ALDH18A1: variants seen among roughly 807,000 people sequenced by gnomAD.
ALDH18A1 encodes the protein aldehyde dehydrogenase 18 family member A1, also known as delta-1-pyrroline-5-carboxylate synthase.
A neutral mutation model predicts 88.8 loss-of-function variants in ALDH18A1; 44 were observed. The ratio of observed to expected loss-of-function variants is 0.50; its 90% confidence interval spans 0.39 to 0.64. The LOEUF (loss-of-function observed/expected upper bound fraction) is 0.64, where lower values mean the gene tolerates loss of function less well. Among genes scored for constraint, ALDH18A1 ranks in the 30% least tolerant of loss-of-function variants. The pLI is 0.00. For missense variants in ALDH18A1, 782 were observed against 1,009.5 expected, an observed-to-expected ratio of 0.77 and a Z score of 3.05; for synonymous variants, 331 against 372.1, an observed-to-expected ratio of 0.89 and a Z score of 1.27.
chr10:95,612,999 G>T (rs543335444), intron 15 of ALDH18A1, among the ~76,000 whole-genome samples: 1 of 152,324 alleles, frequency 6.6e-6, no homozygotes, highest in South Asian at 2.1e-4. Flanking sequence ...CATATGTTCA[G>T]AGTCAAAGCA....
At chr10:95,643,711 CTTGAT>C (rs2097896126) in intron 2 of ALDH18A1, among the ~76,000 whole-genome samples, 1 of 152,032 alleles carries the variant, frequency 6.6e-6, no homozygotes, top group African/African-American at 2.4e-5. Flanking sequence ...TATTTTATCT[CTTGAT>C]AGGATTATAA....
intron 11 of ALDH18A1, 24 bp downstream of exon 11, chr10:95,625,338 G>A (rs1488224480): frequency 6.2e-7 from 1 of 1,602,522 alleles, no homozygotes. Flanking sequence ...CCACAACATT[G>A]ACTTTAAATT....
rs575351500 is a variant in ALDH18A1 at position 95,606,353 on chromosome 10, T to C, written c.*409A>G. ...TCTTTCCTTTTTGAAGATGACTACA[T>C]GTGAAAGAAATAAAATGTGAAAAGA... On this transcript the variant is annotated 3_prime_UTR_variant, in exon 18 of 18. Transcript: ENST00000371224. The C allele has an allele frequency of 9.8e-7, 1 of 1,015,320 alleles. No individual in the cohort carries two copies. Among genetic ancestry groups the C allele is most frequent in the Non-Finnish European group, 1.2e-6 (1 of 847,512 alleles). 62.9% of individuals were successfully genotyped at this position (1,015,320 alleles called of 1,614,324 possible). A position where few individuals can be genotyped will look rare whatever the true frequency, so the allele number is the denominator to read the frequency against.
intron 1 of ALDH18A1, among the ~76,000 whole-genome samples, chr10:95,655,681 A>AGAGTGTGTGTGT (rs1366372388): frequency 1.2e-4 from 18 of 150,168 alleles, no homozygotes; most frequent in African/African-American, 4.4e-4. Context: ...GAGCAAAGAG[A>AGAGTGTGTGTGT]GTGTGTGTGT....
chr10:95,613,534 A>T (rs2097839327), intron 15 of ALDH18A1, among the ~76,000 whole-genome samples: 1 of 152,240 alleles, frequency 6.6e-6, no homozygotes, highest in Non-Finnish European at 1.5e-5. Context: ...TCCACTTTGT[A>T]ATAAAGCTAT....
Position 95,611,388 on chromosome 10 carries a change from C to A in ALDH18A1, c.1978G>T (p.Glu660Ter). The A allele has an allele frequency of 6.2e-7, 1 of 1,614,164 alleles. No homozygotes were observed. Among genetic ancestry groups the A allele is most frequent in the Non-Finnish European group, 8.5e-7 (1 of 1,180,024 alleles). The change falls in exon 16 of 18, where the codon GAA becomes TAA. Residue 660 changes from glutamate (E) to a stop codon, truncating the protein, a stop_gained. Transcript: ENST00000371224. LOFTEE classifies it high-confidence loss of function. ...FASYLTFSPS[E>*]VKSLRTEYGD... is the part of the protein sequence containing the mutation. ...TACTCAGTTCGGAGTGACTTCACTT[C>A]GGAGGGGCTGAAGGTCAGATAGGAG...
chr10:95,641,379 G>C (rs2097891055), intron 3 of ALDH18A1, among the ~76,000 whole-genome samples: 1 of 152,170 alleles, frequency 6.6e-6, no homozygotes, highest in African/African-American at 2.4e-5. Context: ...CTAAGGTAGA[G>C]AGGGTAGAGA....
intron 11 of ALDH18A1, among the ~76,000 whole-genome samples, chr10:95,625,042 G>T (rs1282246116): frequency 2.0e-5 from 3 of 152,106 alleles, no homozygotes; most frequent in Non-Finnish European, 2.9e-5. Flanking sequence ...ATAGAGAAAG[G>T]CCTCAATAAA....
In ALDH18A1 at chr10:95,645,222, A is replaced by C. The variant is rs189619722; in HGVS notation, c.89-2016T>G. ...GGTAACATAGGTTCTCAGCAGGACT[A>C]AGCTTTAAGCAATTCCCTGGAAAGA... On this transcript the variant is annotated intron_variant, in intron 2 of 17. Transcript: ENST00000371224. Among the ~76,000 whole-genome samples, 366 of 152,350 alleles carry C rather than the reference A, an allele frequency of 2.4e-3. 1 individual carries two copies. The highest frequency in any genetic ancestry group is 3.8e-3 in the Non-Finnish European group (259 of 68,028).
intron 11 of ALDH18A1, 127 bp downstream of exon 11, chr10:95,625,235 A>T: frequency 1.2e-6 from 1 of 853,650 alleles, no homozygotes; most frequent in Non-Finnish European, 2.0e-6. Context: ...TAGAAATGAT[A>T]CATAATGTAC....
At chr10:95,625,868 TAG>T (rs1249045506) in intron 10 of ALDH18A1, among the ~76,000 whole-genome samples, 1 of 152,086 alleles carries the variant, frequency 6.6e-6, no homozygotes, top group African/African-American at 2.4e-5. Context: ...ACATGTTACA[TAG>T]AGTCTTACAT....
chr10:95,653,618 A>T lies in ALDH18A1; in HGVS notation c.-28-213T>A, dbSNP rs78513125. On this transcript the variant is annotated intron_variant, in intron 1 of 17. Coordinates refer to ENST00000371224, the MANE Select transcript of ALDH18A1 (RefSeq NM_002860.4). ...GCCTCAACCATCTTAGTTTTTATGT[A>T]AGCAAATAATAATGCAGAGTTAGGA... is the stretch of plus-strand genomic sequence containing the variant. Among the ~76,000 whole-genome samples, 2,308 of 152,292 alleles carry T rather than the reference A, an allele frequency of 0.015. 62 individuals are homozygous for T. Among genetic ancestry groups the T allele is most frequent in the African/African-American group, 0.053 (2,218 of 41,542 alleles).
intron 7 of ALDH18A1, among the ~76,000 whole-genome samples, chr10:95,630,099 AT>A (rs59846078): frequency 0.24 from 32,781 of 137,434 alleles, 4,315 homozygotes; most frequent in African/African-American, 0.37. Flanking sequence ...ACTAAAAAAA[AT>A]ATTTCTTCTT....
At position 95,633,517 on chromosome 10, in the gene ALDH18A1, G is replaced by C. The variant is rs556900387; in HGVS notation, c.691C>G (p.Pro231Ala). Residue 231 changes from proline to alanine, a missense_variant, in exon 6 of 18, where the codon CCC (proline) becomes GCC (alanine). Physicochemically the swap from Pro to Ala is conservative, Grantham distance 27. Transcript: ENST00000371224. Reference sequence around the variant, plus strand: ...TTTACCCCCTGCAGGTCACTGTTGGGCTCAGCTGGGGGGACAACAGCATCA... The same window carrying C: ...TTTACCCCCTGCAGGTCACTGTTGGCCTCAGCTGGGGGGACAACAGCATCA... ...TNDAVVPPAE[P>A]NSDLQGVNVI... 1 of 1,614,138 alleles carries C rather than the reference G, an allele frequency of 6.2e-7. No individual in the cohort carries two copies. Among genetic ancestry groups the C allele is most frequent in the Admixed American group, 1.7e-5 (1 of 59,998 alleles).
chr10:95,639,314 A>G (rs2097886952), intron 3 of ALDH18A1, among the ~76,000 whole-genome samples: 1 of 152,100 alleles, frequency 6.6e-6, no homozygotes, highest in Non-Finnish European at 1.5e-5. Flanking sequence ...TAGGTGACAG[A>G]GCAAGACCCT....
At chr10:95,627,642 T>A in intron 8 of ALDH18A1, 56 bp from the exon 9 acceptor site, 1 of 1,600,584 alleles carries the variant, frequency 6.2e-7, no homozygotes, top group Non-Finnish European at 8.6e-7. Flanking sequence ...TCACCCACAT[T>A]TTAAACTTGC....
intron 9 of ALDH18A1, 81 bp downstream of exon 9, chr10:95,627,361 T>C: frequency 1.3e-6 from 2 of 1,545,632 alleles, no homozygotes; most frequent in Non-Finnish European, 1.8e-6. Flanking sequence ...AATATTAGCA[T>C]ATCAATTTTG....
At chr10:95,643,286 T>A in intron 2 of ALDH18A1, 80 bp from the exon 3 acceptor site, 2 of 1,421,982 alleles carry the variant, frequency 1.4e-6, no homozygotes, top group Non-Finnish European at 2.0e-6. Context: ...TGCTCAGTAT[T>A]AACCAGTTTA....
chr10:95,624,669 G>A (rs764627468), intron 11 of ALDH18A1, among the ~76,000 whole-genome samples: 91 of 152,156 alleles, frequency 6.0e-4, no homozygotes, highest in Middle Eastern at 3.2e-3. Context: ...CTCTCTACAT[G>A]TCTAGGTGTT....
Sources: gnomAD v4.1 joint callset for allele counts (sites outside exome capture counted in the v4.1 genomes callset) on GRCh38, gnomAD v4.1.1 for gene constraint, MANE v1.5 for transcripts, NCBI Gene and HGNC (gene_info 2026-07-23, HGNC 2026-07-21) for gene names.